TCN2: variants seen among roughly 807,000 people sequenced by gnomAD.
The protein encoded by TCN2 is transcobalamin 2.
A neutral mutation model predicts 48.6 loss-of-function variants in TCN2; 34 were observed. That is an observed-to-expected ratio of 0.70 (90% CI 0.53 to 0.93). The LOEUF is 0.93. Among genes scored for constraint, TCN2 ranks in the 40% least tolerant of loss-of-function variants. The pLI, the probability that TCN2 is intolerant of heterozygous loss-of-function variation, is 0.00. For synonymous variants in TCN2, 283 were observed against 212.5 expected (o/e 1.33, Z -2.89); for missense variants, 652 against 526.1 (o/e 1.24, Z -2.34).
At chr22:30,621,292 CTG>C (rs1322036232) in intron 7 of TCN2, among the ~76,000 whole-genome samples, 2 of 152,124 alleles carry the variant, frequency 1.3e-5, no homozygotes, top group African/African-American at 2.4e-5. Context: ...CGCGCCCCAC[CTG>C]TGTTTCTTAA....
chr22:30,619,757 A>G (rs1490198655), intron 7 of TCN2, among the ~76,000 whole-genome samples: 1 of 152,182 alleles, frequency 6.6e-6, no homozygotes, highest in Non-Finnish European at 1.5e-5. Context: ...CTCAGACCGG[A>G]GAAATGCAAA....
rs72558390 is a variant in TCN2 at position 30,626,292 on chromosome 22, T to C, written c.1223-168T>C. On this transcript the variant is annotated intron_variant, in intron 8 of 8. Transcript: ENST00000215838. Reference sequence around the variant, plus strand: ...TGGCCTCAGGAACCCTGTGGGAAGCTGAGTTCAGAGTCTTTGAGCAGGCTT... The same window carrying C: ...TGGCCTCAGGAACCCTGTGGGAAGCCGAGTTCAGAGTCTTTGAGCAGGCTT... Among the ~76,000 whole-genome samples, 10,061 of 152,122 alleles carry C rather than the reference T, an allele frequency of 0.066. 1,187 individuals are homozygous for C. The highest frequency in any genetic ancestry group is 0.23 in the African/African-American group (9,634 of 41,440).
chr22:30,611,306 T>C (rs1241747739), intron 2 of TCN2, among the ~76,000 whole-genome samples: 6 of 152,196 alleles, frequency 3.9e-5, no homozygotes, highest in Non-Finnish European at 8.8e-5. Flanking sequence ...ACATAACTAA[T>C]CCGTGACTAT....
chr22:30,612,759 A>C, intron 2 of TCN2, 114 bp from the exon 3 acceptor site: 1 of 1,351,168 alleles, frequency 7.4e-7, no homozygotes, highest in Middle Eastern at 2.5e-4. Flanking sequence ...GCTTTTATCA[A>C]AGTTTCCCAC....
Position 30,607,328 on chromosome 22 carries a change from T to C in TCN2, c.-4T>C. On this transcript the variant is annotated 5_prime_UTR_variant, in exon 1 of 9. Transcript: ENST00000215838. ...TGCTCACTGCTCACCCACCTGCTGC[T>C]GCCATGAGGCACCTTGGGGCCTTCC... is the stretch of plus-strand genomic sequence containing the variant. 1 of 1,614,190 alleles carries C rather than the reference T, an allele frequency of 6.2e-7. No individual in the cohort carries two copies. Among genetic ancestry groups the C allele is most frequent in the South Asian group, 1.1e-5 (1 of 91,080 alleles).
chr22:30,626,360 C>T (rs575589611), intron 8 of TCN2, 100 bp from the exon 9 acceptor site: 255 of 1,310,856 alleles, frequency 1.9e-4, no homozygotes, highest in Non-Finnish European at 2.5e-4. Flanking sequence ...CAGGTGGATT[C>T]TTACAGACTC....
intron 8 of TCN2, among the ~76,000 whole-genome samples, chr22:30,623,877 CATATATACACACATATATATGTATACAT>C (rs2087750642): frequency 1.5e-5 from 1 of 67,966 alleles, no homozygotes; most frequent in South Asian, 3.5e-4. Context: ...TATATACACA[CATATATACACACATATATATGTATACAT>C]ATATATACAC....
At chr22:30,614,636 A>C in intron 4 of TCN2, 135 bp downstream of exon 4, 10 of 1,310,238 alleles carry the variant, frequency 7.6e-6, no homozygotes, top group Non-Finnish European at 1.1e-5. Context: ...TTAGGGACGA[A>C]TTGGCGAGGG....
chr22:30,615,191 C>G (rs968864274), intron 4 of TCN2, 110 bp from the exon 5 acceptor site: 2 of 1,198,630 alleles, frequency 1.7e-6, no homozygotes, highest in Non-Finnish European at 2.5e-6. Context: ...CCTTCTTCTC[C>G]AAGCCCTCCT....
At chr22:30,614,778 A>C (rs976352865) in intron 4 of TCN2, among the ~76,000 whole-genome samples, 1 of 152,170 alleles carries the variant, frequency 6.6e-6, no homozygotes, top group Admixed American at 6.5e-5. Context: ...GCATGGTGGC[A>C]CATGCCTGTA....
rs1183375680 is a variant in TCN2, at chr22:30,626,901, C to G, written c.*380C>G. 9 of 354,616 alleles carry G rather than the reference C, an allele frequency of 2.5e-5. No homozygotes were observed. The highest frequency in any genetic ancestry group is 4.9e-5 in the Non-Finnish European group (9 of 183,580). 22.0% of individuals were successfully genotyped at this position (354,616 alleles called of 1,614,324 possible). Reference sequence around the variant, plus strand: ...TGTGGTTGGGGTCCTGCAAGAAGGCCTCCTCAGCCCGGGGGCTATGGCCCT... The same window carrying G: ...TGTGGTTGGGGTCCTGCAAGAAGGCGTCCTCAGCCCGGGGGCTATGGCCCT... On this transcript the variant is annotated 3_prime_UTR_variant, in exon 9 of 9. Coordinates refer to ENST00000215838, the MANE Select transcript of TCN2 (RefSeq NM_000355.4).
chr22:30,622,948 T>C lies in TCN2; in HGVS notation c.1107-20T>C, dbSNP rs1222005379. On this transcript the variant is annotated intron_variant, in intron 7 of 8. Transcript: ENST00000215838. ...ACAACAGCCACCTCTTCTCTCCCCA[T>C]TTGCCTTTCCCTTCTGTAGATATGA... is the stretch of plus-strand genomic sequence containing the variant. 6.2e-7 allele frequency: 1 copy of C among 1,612,722 alleles called. No individual in the cohort carries two copies. The highest frequency in any genetic ancestry group is 1.1e-5 in the South Asian group (1 of 91,052).
In TCN2 at chr22:30,610,920, C is replaced by G; in HGVS notation, c.114C>G (p.Leu38=). 4 of 1,614,198 alleles carry G rather than the reference C, an allele frequency of 2.5e-6. No homozygotes were observed. Among genetic ancestry groups the G allele is most frequent in the East Asian group, 2.2e-5 (1 of 44,884 alleles). Residue 38 remains leucine, a synonymous_variant, in exon 2 of 9, where the codon CTC becomes CTG. Transcript: ENST00000215838. ...SHLVEKLGQH[L]LPWMDRLSLE... ...TGGTAGAGAAGTTGGGCCAGCACCT[C>G]TTACCTTGGATGGACCGGCTTTCCC...
intron 1 of TCN2, among the ~76,000 whole-genome samples, chr22:30,610,051 C>G (rs755918075): frequency 3.3e-5 from 5 of 152,152 alleles, no homozygotes; most frequent in African/African-American, 1.2e-4. Flanking sequence ...GCAAACTACT[C>G]TAAGCTACCC....
chr22:30,612,419 G>C (rs1157091135), intron 2 of TCN2, among the ~76,000 whole-genome samples: 1 of 151,914 alleles, frequency 6.6e-6, no homozygotes, highest in African/African-American at 2.4e-5. Context: ...GGGTGGTGGT[G>C]GGCAACTGTA....
At chr22:30,615,018 CCTT>C (rs1426357685) in intron 4 of TCN2, among the ~76,000 whole-genome samples, 4 of 152,214 alleles carry the variant, frequency 2.6e-5, no homozygotes, top group African/African-American at 7.2e-5. Flanking sequence ...CTCCTCCAGT[CCTT>C]CTCCCTAACC....
intron 1 of TCN2, among the ~76,000 whole-genome samples, chr22:30,607,978 G>C (rs989492908): frequency 1.1e-4 from 16 of 152,186 alleles, no homozygotes; most frequent in African/African-American, 3.9e-4. Flanking sequence ...GAAAGGAGTG[G>C]GGGACACACA....
intron 8 of TCN2, among the ~76,000 whole-genome samples, chr22:30,623,708 A>ATATATG: frequency 8.1e-6 from 1 of 122,804 alleles, no homozygotes; most frequent in Non-Finnish European, 1.5e-5. Context: ...AAATATATAT[A>ATATATG]TATACAGACA....
intron 8 of TCN2, among the ~76,000 whole-genome samples, chr22:30,624,800 C>T (rs1446956128): frequency 1.3e-5 from 2 of 152,208 alleles, no homozygotes; most frequent in African/African-American, 2.4e-5. Context: ...CAACCAGTTG[C>T]ATAAATCACT....
Sources: allele counts gnomAD v4.1 joint callset (sites outside exome capture counted in the v4.1 genomes callset), GRCh38; gene constraint gnomAD v4.1.1; transcripts MANE v1.5; gene names NCBI Gene and HGNC (gene_info 2026-07-23, HGNC 2026-07-21).